Variants in PCDH11X observed in about 807,000 individuals in gnomAD.
PCDH11X encodes the protein protocadherin-11 X-linked.
Under a neutral mutation model 53.3 loss-of-function variants are expected in PCDH11X, and 18 were observed. The observed-to-expected ratio is 0.34, with a 90% confidence interval of 0.23 to 0.50. The LOEUF is 0.50. Among genes scored for constraint, PCDH11X ranks in the 20% least tolerant of loss-of-function variants. The probability of loss-of-function intolerance (pLI) is 0.98; values close to 1 mark genes in which losing one functional copy is unlikely to be tolerated. For missense variants in PCDH11X, 570 were observed against 1,032.4 expected, an observed-to-expected ratio of 0.55 and a Z score of 6.14; for synonymous variants, 279 against 393.3, an observed-to-expected ratio of 0.71 and a Z score of 3.44.
At position 92,360,300 on chromosome X, in the gene PCDH11X, A is replaced by T. The variant is rs189388649; in HGVS notation, c.3145-27435A>T. Among the ~76,000 whole-genome samples the T allele has an allele frequency of 5.9e-4, 65 of 110,867 alleles. No individual in the cohort carries two copies. In the East Asian group the frequency reaches 0.016, roughly 27 times the overall value. Reference sequence around the variant, plus strand: ...TACAGCTTTATTTCTTGCTTTTCTGATGTTACTGTTCCCTTACATTTAAAA... The same window carrying T: ...TACAGCTTTATTTCTTGCTTTTCTGTTGTTACTGTTCCCTTACATTTAAAA... On this transcript the variant is annotated intron_variant, in intron 8 of 10. Transcript: ENST00000682573.
intron 8 of PCDH11X, among the ~76,000 whole-genome samples, chrX:92,318,898 G>A (rs80248012): frequency 0.13 from 14,870 of 110,956 alleles, 752 homozygotes; most frequent in African/African-American, 0.18. Context: ...GTCATTTAGC[G>A]ATTTCACCAG....
intron 10 of PCDH11X, among the ~76,000 whole-genome samples, chrX:92,487,517 A>G (rs1194320637): frequency 4.5e-5 from 5 of 111,144 alleles, no homozygotes; most frequent in Non-Finnish European, 9.4e-5. Flanking sequence ...ATGATTTTAT[A>G]TTACACTATT....
At chrX:92,574,530 C>T (rs1332411466) in intron 10 of PCDH11X, among the ~76,000 whole-genome samples, 2 of 109,381 alleles carry the variant, frequency 1.8e-5, no homozygotes, top group Non-Finnish European at 3.8e-5. Context: ...TCTCCCAATA[C>T]ATGAAGAGAA....
At chrX:91,950,707 A>C (rs2147871475) in intron 6 of PCDH11X, among the ~76,000 whole-genome samples, 1 of 108,540 alleles carries the variant, frequency 9.2e-6, no homozygotes. Context: ...CAAAAGCACA[A>C]AATATTTTTA....
intron 10 of PCDH11X, among the ~76,000 whole-genome samples, chrX:92,570,877 A>G (rs1185553749): frequency 9.1e-6 from 1 of 109,935 alleles, no homozygotes; most frequent in Admixed American, 9.8e-5. Context: ...CTATAGACAT[A>G]GAAACGGTAT....
intron 8 of PCDH11X, among the ~76,000 whole-genome samples, chrX:92,310,638 C>T (rs2068929256): frequency 9.1e-6 from 1 of 110,067 alleles, no homozygotes; most frequent in Non-Finnish European, 1.9e-5. Context: ...ATCTGCAAGC[C>T]TTGACCTCCC....
chrX:92,582,971 C>A, intron 10 of PCDH11X, among the ~76,000 whole-genome samples: 1 of 110,987 alleles, frequency 9.0e-6, no homozygotes, highest in East Asian at 2.8e-4. Flanking sequence ...CAATGTCTTC[C>A]ATTTGGAATG....
chrX:91,914,584 C>G (rs1486772958), intron 6 of PCDH11X, among the ~76,000 whole-genome samples: 1 of 111,241 alleles, frequency 9.0e-6, no homozygotes, highest in Non-Finnish European at 1.9e-5. Context: ...AAATGAAAGA[C>G]ACACTTAGAG....
intron 6 of PCDH11X, among the ~76,000 whole-genome samples, chrX:92,094,266 A>G (rs1445566434): frequency 9.1e-6 from 1 of 109,931 alleles, no homozygotes. Context: ...ATAACTGAAA[A>G]AAAAATGGAC....
chrX:92,062,166 T>G (rs2063532921), intron 6 of PCDH11X, among the ~76,000 whole-genome samples: 1 of 111,468 alleles, frequency 9.0e-6, no homozygotes, highest in Admixed American at 9.6e-5. Context: ...TACATGATTT[T>G]TGTATTATGA....
At chrX:92,298,480 TC>T (rs1212910494) in intron 8 of PCDH11X, among the ~76,000 whole-genome samples, 1 of 112,232 alleles carries the variant, frequency 8.9e-6, no homozygotes, top group Non-Finnish European at 1.9e-5. Flanking sequence ...CAAACTTGTA[TC>T]CCAGGAATAA....
rs148083122 is a variant in PCDH11X, at chrX:92,198,410, CAA to C, written c.3034-2940_3034-2939del. ...TAGGTGACAGAGTGAGATCCTGTCT[CAA>C]AAAAAAAAAAAAAAAAAAAAAAAAT... is the stretch of plus-strand genomic sequence containing the variant. On this transcript the variant is annotated intron_variant, in intron 6 of 10. Coordinates refer to ENST00000682573, the MANE Select transcript of PCDH11X (RefSeq NM_032968.5). Among the ~76,000 whole-genome samples, 271 of 31,618 alleles carry C rather than the reference CAA, an allele frequency of 8.6e-3. 2 individuals carry two copies. Among genetic ancestry groups the C allele is most frequent in the African/African-American group, 0.03 (225 of 7,430 alleles). The allele number at this position is 31,618 out of a possible 115,157, so 27.5% of individuals were successfully genotyped here. A position where few individuals can be genotyped will look rare whatever the true frequency, so the allele number is the denominator to read the frequency against.
At chrX:92,083,977 A>G (rs1188179176) in intron 6 of PCDH11X, among the ~76,000 whole-genome samples, 1 of 109,094 alleles carries the variant, frequency 9.2e-6, no homozygotes, top group African/African-American at 3.4e-5. Context: ...AATCCCAGCT[A>G]CTCAAGAGGC....
At chrX:91,901,485 G>C (rs1172580142) in intron 6 of PCDH11X, among the ~76,000 whole-genome samples, 1 of 111,582 alleles carries the variant, frequency 9.0e-6, no homozygotes, top group African/African-American at 3.3e-5. Flanking sequence ...CAACTCATAA[G>C]ATTTATGTCT....
intron 7 of PCDH11X, among the ~76,000 whole-genome samples, chrX:92,202,585 T>C (rs1161841698): frequency 8.9e-6 from 1 of 112,031 alleles, no homozygotes; most frequent in African/African-American, 3.2e-5. Context: ...ACAAAACCCG[T>C]CTGAATTTGT....
At chrX:92,576,415 T>C (rs893811622) in intron 10 of PCDH11X, among the ~76,000 whole-genome samples, 4 of 93,815 alleles carry the variant, frequency 4.3e-5, no homozygotes, top group Non-Finnish European at 8.5e-5. Context: ...AATGTTATTA[T>C]TGATAAGTAA....
At chrX:92,399,869 G>A (rs2071344278) in intron 9 of PCDH11X, among the ~76,000 whole-genome samples, 1 of 107,532 alleles carries the variant, frequency 9.3e-6, no homozygotes, top group South Asian at 4.2e-4. Context: ...AGCCTCTCGA[G>A]TAGCTGGGAC....
At chrX:92,082,463 C>T (rs183199006) in intron 6 of PCDH11X, among the ~76,000 whole-genome samples, 3 of 111,099 alleles carry the variant, frequency 2.7e-5, no homozygotes, top group Admixed American at 9.7e-5. Context: ...AAGGATAATA[C>T]GGAGTATTTA....
At chrX:92,252,963 TAA>T (rs1429488128) in intron 7 of PCDH11X, among the ~76,000 whole-genome samples, 4 of 110,412 alleles carry the variant, frequency 3.6e-5, no homozygotes, top group South Asian at 7.8e-4. Flanking sequence ...ACACACTCTG[TAA>T]CCAGCAGGAA....
Sources: gnomAD v4.1 joint callset for allele counts (sites outside exome capture counted in the v4.1 genomes callset) on GRCh38, gnomAD v4.1.1 for gene constraint, MANE v1.5 for transcripts, NCBI Gene and HGNC (gene_info 2026-07-23, HGNC 2026-07-21) for gene names.